NIBAN3: variants seen among roughly 807,000 people sequenced by gnomAD.
NIBAN3 encodes the protein protein Niban 3.
A neutral mutation model predicts 76.4 loss-of-function variants in NIBAN3; 66 were observed. That is an observed-to-expected ratio of 0.86 (90% CI 0.71 to 1.06). NIBAN3 has a LOEUF of 1.06. NIBAN3 is among the 50% of genes least tolerant of loss of function. The pLI is 0.00. For synonymous variants in NIBAN3, 360 were observed against 355.2 expected (o/e 1.01, Z -0.15); for missense variants, 808 against 810.7 (o/e 1.00, Z 0.04).
chr19:17,551,823 T>C lies in NIBAN3; in HGVS notation c.1788T>C (p.Cys596=), dbSNP rs1599766570. The part of the protein sequence containing the change: ...ETEAEREGGA[C]PRQPDSGAQI... ...AGGCTGAGCGGGAAGGAGGGGCTTG[T>C]CCCAGGCAGCCAGACTCTGGTGCCC... is the stretch of plus-strand genomic sequence containing the variant. Residue 596 remains cysteine (C), a synonymous_variant, in exon 15 of 15, where the codon TGT becomes TGC. Coordinates refer to ENST00000599164, the MANE Select transcript of NIBAN3 (RefSeq NM_001321827.2). 1.2e-5 allele frequency: 9 copies of C among 780,340 alleles called. No homozygotes were observed. The East Asian group carries it at 2.2e-4, about 19-fold the overall frequency. 48.3% of individuals were successfully genotyped at this position (780,340 alleles called of 1,614,324 possible).
chr19:17,539,707 C>G lies in NIBAN3; in HGVS notation c.921C>G (p.Ile307Met), dbSNP rs1056273951. 6.5e-6 allele frequency: 10 copies of G among 1,550,266 alleles called. No individual in the cohort carries two copies. The highest frequency in any genetic ancestry group is 7.8e-6 in the Non-Finnish European group (9 of 1,148,756). ...TGCTTGCGTCGCTGGAGAAGACGAT[C>G]CGCCCGGACGTGGACCAGCTGCTGC... ...DELLASLEKT[I>M]RPDVDQLLRQ... Residue 307 changes from isoleucine (I) to methionine (M), a missense_variant, in exon 8 of 15, where the codon ATC (isoleucine) becomes ATG (methionine). Ile to Met is a conservative substitution (Grantham distance 10, BLOSUM62 1). Coordinates refer to ENST00000599164, the MANE Select transcript of NIBAN3 (RefSeq NM_001321827.2).
intron 13 of NIBAN3, among the ~76,000 whole-genome samples, chr19:17,547,642 C>T (rs971609152): frequency 5.0e-4 from 68 of 136,754 alleles, no homozygotes; most frequent in African/African-American, 1.8e-3. Context: ...CGTGAGCCAC[C>T]GCACCCGGCC....
chr19:17,546,760 C>T lies in NIBAN3; in HGVS notation c.1629C>T (p.Asp543=), dbSNP rs1239220074. 3.7e-6 allele frequency: 6 copies of T among 1,605,240 alleles called. No individual in the cohort carries two copies. The highest frequency in any genetic ancestry group is 2.2e-5 in the South Asian group (2 of 88,946). ...TGACCACTGAGGGCATCTATGAGGACGTCATCCGGGGGTGCTTGCTGCAGA... is the reference window on the plus strand; with the variant it reads ...TGACCACTGAGGGCATCTATGAGGATGTCATCCGGGGGTGCTTGCTGCAGA... ...QALTTEGIYE[D]VIRGCLLQRI... Residue 543 remains aspartate, a synonymous_variant, in exon 13 of 15, where the codon GAC becomes GAT. Transcript: ENST00000599164.
chr19:17,553,162 C>CT lies in NIBAN3; in HGVS notation c.*1270dup, dbSNP rs557398237. ...ATTTCAGTGAATTGCCTGTTCATAGCTTTTTTCTACTTTTCAGGAGTGTTT... is the reference window on the plus strand; with the variant it reads ...ATTTCAGTGAATTGCCTGTTCATAGCTTTTTTTCTACTTTTCAGGAGTGTTT... On this transcript the variant is annotated 3_prime_UTR_variant, in exon 15 of 15. Transcript: ENST00000599164. 881 of 1,175,670 alleles carry CT rather than the reference C, an allele frequency of 7.5e-4. 6 individuals carry two copies. The African/African-American group carries it at 0.013, about 17-fold the overall frequency. The allele number at this position is 1,175,670 out of a possible 1,614,324, so 72.8% of individuals were successfully genotyped here.
chr19:17,547,756 C>T (rs1036489095), intron 13 of NIBAN3, among the ~76,000 whole-genome samples: 4 of 152,050 alleles, frequency 2.6e-5, no homozygotes, highest in Non-Finnish European at 5.9e-5. Context: ...CAACCTCCGC[C>T]TCCTGGGTTC....
chr19:17,555,537 A>C (rs1024416318), downstream of NIBAN3: 74 of 513,092 alleles, frequency 1.4e-4, no homozygotes, highest in African/African-American at 1.4e-3. Context: ...GTAGGGCTGC[A>C]GGTGACGTCA....
In NIBAN3 at chr19:17,530,752, C is replaced by A; in HGVS notation, c.56-3C>A. On this transcript the variant is annotated splice_region_variant and splice_polypyrimidine_tract_variant and intron_variant, in intron 1 of 14. Transcript: ENST00000599164. ...TGGGTTCACTGTCCCCTTGTCCCTG[C>A]AGGTCAGGTGGACACCCTGCTGAGG... is the stretch of plus-strand genomic sequence containing the variant. 1 of 1,604,518 alleles carries A rather than the reference C, an allele frequency of 6.2e-7. No individual in the cohort carries two copies. The highest frequency in any genetic ancestry group is 8.5e-7 in the Non-Finnish European group (1 of 1,173,766).
At chr19:17,546,473 C>A in intron 12 of NIBAN3, 1 of 956,246 alleles carries the variant, frequency 1.0e-6, no homozygotes, top group Non-Finnish European at 1.3e-6. Flanking sequence ...CCTCAGCCAA[C>A]CAAAGTGCTG....
chr19:17,526,648 TA>T (rs569937695), upstream of NIBAN3, among the ~76,000 whole-genome samples: 601 of 138,472 alleles, frequency 4.3e-3, no homozygotes, highest in Middle Eastern at 7.4e-3. Context: ...ACCCTGTCTC[TA>T]AAAAAAAAAA....
chr19:17,555,432 G>A (rs1273702627), downstream of NIBAN3, among the ~76,000 whole-genome samples: 3 of 152,208 alleles, frequency 2.0e-5, no homozygotes, highest in Non-Finnish European at 2.9e-5. Context: ...TGGAGGAAGC[G>A]CGGGTTCCTA....
rs1384131044 is a variant in NIBAN3, at chr19:17,552,006, A to G, written c.*108A>G. On this transcript the variant is annotated 3_prime_UTR_variant, in exon 15 of 15. Transcript: ENST00000599164. ...AGGCTTTTGTAACCCCTGCAACTTC[A>G]GAAAACTGTACCATTTTATACTCCA... The G allele has an allele frequency of 1.7e-6, 1 of 578,770 alleles. No individual in the cohort carries two copies. Among genetic ancestry groups the G allele is most frequent in the Non-Finnish European group, 3.2e-6 (1 of 310,122 alleles). The allele number at this position is 578,770 out of a possible 1,614,324, so 35.9% of individuals were successfully genotyped here.
intron 4 of NIBAN3, among the ~76,000 whole-genome samples, chr19:17,535,021 A>G (rs1043017542): frequency 6.6e-6 from 1 of 152,232 alleles, no homozygotes; most frequent in African/African-American, 2.4e-5. Flanking sequence ...CCTAAAAGCT[A>G]TCTTGCTGTC....
At position 17,539,589 on chromosome 19, in the gene NIBAN3, ACCGGTCTGGG is replaced by A; in HGVS notation, c.817-12_817-3del. ...CGTGTCTCGGCTTTGTCCCCCCTCG[ACCGGTCTGGG>A]CAGCTTCTAGACGCCGTTCACGCAG... is the stretch of plus-strand genomic sequence containing the variant. On this transcript the variant is annotated splice_region_variant and splice_polypyrimidine_tract_variant and intron_variant, in intron 7 of 14. Transcript: ENST00000599164. 1 of 1,526,868 alleles carries A rather than the reference ACCGGTCTGGG, an allele frequency of 6.5e-7. No homozygotes were observed. Among genetic ancestry groups the A allele is most frequent in the Non-Finnish European group, 8.8e-7 (1 of 1,130,642 alleles). The allele number at this position is 1,526,868 out of a possible 1,614,324, so 94.6% of individuals were successfully genotyped here. A position where few individuals can be genotyped will look rare whatever the true frequency, so the allele number is the denominator to read the frequency against.
chr19:17,546,930 G>A, intron 13 of NIBAN3, 133 bp downstream of exon 13: 1 of 1,195,488 alleles, frequency 8.4e-7, no homozygotes, highest in Non-Finnish European at 1.2e-6. Context: ...GACTTGGCCT[G>A]AGGAGGTCCA....
chr19:17,524,345 G>A (rs555123922), upstream of NIBAN3, among the ~76,000 whole-genome samples: 1 of 152,098 alleles, frequency 6.6e-6, no homozygotes, highest in African/African-American at 2.4e-5. Flanking sequence ...GAGTGCAGTG[G>A]TCCGATTTCA....
upstream of NIBAN3, among the ~76,000 whole-genome samples, chr19:17,524,801 T>C (rs1159348546): frequency 6.6e-6 from 1 of 152,240 alleles, no homozygotes; most frequent in Non-Finnish European, 1.5e-5. Context: ...TTCTGCCTCA[T>C]GGCCCAAGGT....
At chr19:17,527,198 G>T, upstream of NIBAN3, 1 of 1,542,620 alleles carries the variant, frequency 6.5e-7, no homozygotes, top group African/African-American at 1.4e-5. Context: ...GAGGACGCAG[G>T]TGCAGCGTGG....
rs1599769355 is a variant in NIBAN3, at chr19:17,553,343, T to C, written c.*1445T>C. ...AATCTTAACTTGGTGTCAAGTTTCC[T>C]GGCTGGGAGACAAGCTTTTACCGAC... On this transcript the variant is annotated 3_prime_UTR_variant, in exon 15 of 15. Transcript: ENST00000599164. The C allele has an allele frequency of 1.9e-6, 3 of 1,613,994 alleles. No individual in the cohort carries two copies. The highest frequency in any genetic ancestry group is 2.2e-5 in the East Asian group (1 of 44,890).
At chr19:17,548,395 G>T (rs530796561) in intron 13 of NIBAN3, among the ~76,000 whole-genome samples, 1 of 152,196 alleles carries the variant, frequency 6.6e-6, no homozygotes, top group Non-Finnish European at 1.5e-5. Flanking sequence ...TGGAAGTGAG[G>T]GAGGAGGCTG....
Sources: allele counts gnomAD v4.1 joint callset (sites outside exome capture counted in the v4.1 genomes callset), GRCh38; gene constraint gnomAD v4.1.1; transcripts MANE v1.5; gene names NCBI Gene and HGNC (gene_info 2026-07-23, HGNC 2026-07-21).